The following DAPK1 variants were observed in gnomAD, a reference collection of about 807,000 sequenced individuals.
DAPK1 encodes death-associated protein kinase 1.
DAPK1 carries 56 observed loss-of-function variants against 144.9 expected under a neutral mutation model. The ratio of observed to expected loss-of-function variants is 0.39; its 90% CI spans 0.31 to 0.48. The LOEUF (loss-of-function observed/expected upper bound fraction) is 0.48. Among genes scored for constraint, DAPK1 ranks in the 20% least tolerant of loss-of-function variants. The probability of loss-of-function intolerance (pLI) is 0.95; values close to 1 mark genes in which losing one functional copy is unlikely to be tolerated. For synonymous variants in DAPK1, 690 were observed against 749.0 expected (o/e 0.92, Z 1.29); for missense variants, 1,454 against 1,875.4 (o/e 0.78, Z 4.15).
chr9:87,541,659 A>G (rs560798554), intron 2 of DAPK1, among the ~76,000 whole-genome samples: 1 of 152,308 alleles, frequency 6.6e-6, no homozygotes, highest in East Asian at 1.9e-4. Context: ...CTAGTCAACC[A>G]ATGGAGAAAT....
chr9:87,514,668 A>G (rs1015731221), intron 2 of DAPK1, among the ~76,000 whole-genome samples: 1 of 152,234 alleles, frequency 6.6e-6, no homozygotes, highest in Non-Finnish European at 1.5e-5. Context: ...GTTGGATTGA[A>G]CAAAGCCCGA....
intron 2 of DAPK1, among the ~76,000 whole-genome samples, chr9:87,584,664 T>TTGTGTG (rs113125719): frequency 0.045 from 6,270 of 140,388 alleles, 143 homozygotes; most frequent in Non-Finnish European, 0.049. Context: ...TGATAGCTCA[T>TTGTGTG]TGTGTGTGTG....
At chr9:87,673,337 G>C (rs1335934729) in intron 19 of DAPK1, among the ~76,000 whole-genome samples, 1 of 152,178 alleles carries the variant, frequency 6.6e-6, no homozygotes, top group Non-Finnish European at 1.5e-5. Flanking sequence ...GTTTCCAAAT[G>C]GGCCAATTGA....
intron 2 of DAPK1, among the ~76,000 whole-genome samples, chr9:87,524,644 T>A (rs1825418924): frequency 6.6e-6 from 1 of 152,122 alleles, no homozygotes; most frequent in Non-Finnish European, 1.5e-5. Context: ...CCAATCCAAA[T>A]GCCCATCAAT....
At chr9:87,642,088 A>G in intron 10 of DAPK1, 30 bp downstream of exon 10, 3 of 1,589,508 alleles carry the variant, frequency 1.9e-6, no homozygotes, top group Non-Finnish European at 2.6e-6. Context: ...AGGGATTAAC[A>G]AATTCTGTTT....
At position 87,518,108 on chromosome 9, in the gene DAPK1, T is replaced by TTG. The variant is rs1825141636; in HGVS notation, c.62+18970_62+18971insGT. Among the ~76,000 whole-genome samples, 37 of 26,478 alleles carry TTG rather than the reference T, an allele frequency of 1.4e-3. No individual in the cohort carries two copies. In the East Asian group the frequency reaches 0.017, roughly 12 times the overall value. The allele number at this position is 26,478 out of a possible 152,430, so 17.4% of individuals were successfully genotyped here. Reference sequence around the variant, plus strand: ...AATATTTGCCGTTTATGTTGTTGTTTTTTTTTTTTTTTTTTTTTTCTGAGA... The same window carrying TTG: ...AATATTTGCCGTTTATGTTGTTGTTTTGTTTTTTTTTTTTTTTTTTTCTGAGA... On this transcript the variant is annotated intron_variant, in intron 2 of 25. Coordinates refer to ENST00000408954, the MANE Select transcript of DAPK1 (RefSeq NM_004938.4).
At chr9:87,673,013 C>T (rs906468059) in intron 19 of DAPK1, among the ~76,000 whole-genome samples, 1 of 152,162 alleles carries the variant, frequency 6.6e-6, no homozygotes, top group East Asian at 1.9e-4. Flanking sequence ...GGACCATTTT[C>T]CTTTCCATGT....
chr9:87,684,457 CAAG>C (rs1275155261), intron 20 of DAPK1, among the ~76,000 whole-genome samples: 8 of 152,252 alleles, frequency 5.3e-5, no homozygotes, highest in African/African-American at 1.7e-4. Context: ...CATCAGACAG[CAAG>C]AAGTTTGCTT....
chr9:87,671,539 G>C (rs1471698947), intron 19 of DAPK1, among the ~76,000 whole-genome samples: 1 of 150,714 alleles, frequency 6.6e-6, no homozygotes, highest in African/African-American at 2.4e-5. Flanking sequence ...CTTGCTCTGC[G>C]GCTCAGGCTG....
At chr9:87,527,884 A>G (rs1245574586) in intron 2 of DAPK1, among the ~76,000 whole-genome samples, 1 of 152,206 alleles carries the variant, frequency 6.6e-6, no homozygotes, top group African/African-American at 2.4e-5. Flanking sequence ...TATGGCTGAG[A>G]CCTTGTCTGC....
intron 3 of DAPK1, among the ~76,000 whole-genome samples, chr9:87,630,154 A>G (rs1829623522): frequency 6.6e-6 from 1 of 152,154 alleles, no homozygotes. Flanking sequence ...CCCTTCCTGA[A>G]TTCCCAACCC....
At chr9:87,566,366 CATT>C (rs1827126705) in intron 2 of DAPK1, among the ~76,000 whole-genome samples, 1 of 152,076 alleles carries the variant, frequency 6.6e-6, no homozygotes, top group Non-Finnish European at 1.5e-5. Context: ...TCAGCTATGT[CATT>C]ATAGAGTTGG....
intron 12 of DAPK1, 35 bp from the exon 13 acceptor site, chr9:87,646,426 C>T (rs773399384): frequency 3.3e-6 from 5 of 1,516,580 alleles, no homozygotes; most frequent in Non-Finnish European, 4.6e-6. Context: ...CCTACCAAAC[C>T]TGAAAATTAG....
intron 2 of DAPK1, among the ~76,000 whole-genome samples, chr9:87,545,835 A>G (rs907794078): frequency 2.0e-5 from 3 of 151,970 alleles, no homozygotes; most frequent in Non-Finnish European, 4.4e-5. Context: ...GTGAGCCACC[A>G]CACCTGGCCA....
chr9:87,583,074 A>G (rs144784980), intron 2 of DAPK1, among the ~76,000 whole-genome samples: 21 of 152,142 alleles, frequency 1.4e-4, no homozygotes, highest in African/African-American at 3.6e-4. Flanking sequence ...TAAAAATGGC[A>G]TGCCGTTTTT....
At chr9:87,523,182 A>G (rs907320690) in intron 2 of DAPK1, among the ~76,000 whole-genome samples, 3 of 152,202 alleles carry the variant, frequency 2.0e-5, no homozygotes, top group African/African-American at 7.2e-5. Context: ...ACCACTATCC[A>G]TCTCCAGAAG....
intron 2 of DAPK1, among the ~76,000 whole-genome samples, chr9:87,510,183 A>G (rs1824782230): frequency 6.6e-6 from 1 of 152,164 alleles, no homozygotes; most frequent in African/African-American, 2.4e-5. Context: ...GCTGGAAGAG[A>G]TAACGCTTGA....
At chr9:87,518,099 G>GTTTTTTTTTT (rs1554675822) in intron 2 of DAPK1, among the ~76,000 whole-genome samples, 1 of 126,046 alleles carries the variant, frequency 7.9e-6, no homozygotes, top group Non-Finnish European at 1.6e-5. Context: ...TGCCGTTTAT[G>GTTTTTTTTTT]TTGTTGTTTT....
At chr9:87,585,938 T>C (rs920098446) in intron 2 of DAPK1, among the ~76,000 whole-genome samples, 2 of 152,180 alleles carry the variant, frequency 1.3e-5, no homozygotes, top group Non-Finnish European at 2.9e-5. Flanking sequence ...ATAAACAAAA[T>C]ATTAGAGTTA....
Sources: gnomAD v4.1 joint callset for allele counts (sites outside exome capture counted in the v4.1 genomes callset) on GRCh38, gnomAD v4.1.1 for gene constraint, MANE v1.5 for transcripts, NCBI Gene and HGNC (gene_info 2026-07-23, HGNC 2026-07-21) for gene names.